Variants in HDAC9 observed in about 807,000 individuals in gnomAD.
HDAC9 encodes histone deacetylase 9.
Under a neutral mutation model 139.4 loss-of-function variants are expected in HDAC9, and 41 were observed. That is an observed-to-expected ratio of 0.29 (90% CI 0.23 to 0.38). HDAC9 has a LOEUF of 0.38. HDAC9 is among the 10% of genes least tolerant of loss of function. The probability of loss-of-function intolerance (pLI) is 1.00; values close to 1 mark genes in which losing one functional copy is unlikely to be tolerated. For missense variants in HDAC9, 1,147 were observed against 1,297.0 expected (o/e 0.88, Z 1.78); for synonymous variants, 517 against 476.2 (o/e 1.09, Z -1.12).
intron 13 of HDAC9, among the ~76,000 whole-genome samples, chr7:18,739,937 C>G (rs1465510587): frequency 6.6e-6 from 1 of 152,298 alleles, no homozygotes; most frequent in East Asian, 1.9e-4. Context: ...GTTTGAGCTT[C>G]CCAGCTGCTT....
intron 2 of HDAC9, chr7:18,543,651 A>G (rs534068573): frequency 9.9e-5 from 15 of 152,218 alleles, no homozygotes; most frequent in Admixed American, 9.8e-4. Flanking sequence ...TTAAGTGCTA[A>G]CTACAGTCTT....
chr7:18,554,797 C>T (rs1818289814), intron 2 of HDAC9, among the ~76,000 whole-genome samples: 1 of 152,164 alleles, frequency 6.6e-6, no homozygotes, highest in Admixed American at 6.5e-5. Flanking sequence ...TCTTCTTAGA[C>T]TGGGTGGGAT....
In HDAC9 at chr7:18,829,443, T is replaced by C; in HGVS notation, c.2379-18T>C. On this transcript the variant is annotated intron_variant, in intron 18 of 25. Coordinates refer to ENST00000686413, the MANE Select transcript of HDAC9 (RefSeq NM_178425.4). ...GATGATTTGCTTTCTTATTTCTCTG[T>C]TCTTCTCTATTCCGCAGGGGGTTCT... 6.4e-7 allele frequency: 1 copy of C among 1,566,296 alleles called. No individual in the cohort carries two copies.
chr7:18,155,846 T>C (rs994944708), intron 1 of HDAC9, among the ~76,000 whole-genome samples: 2 of 152,264 alleles, frequency 1.3e-5, no homozygotes, highest in Middle Eastern at 3.4e-3. Context: ...GTAATTGATA[T>C]GCCAGTCTTT....
At chr7:18,404,685 T>TG (rs1199264636) in intron 1 of HDAC9, among the ~76,000 whole-genome samples, 2 of 152,176 alleles carry the variant, frequency 1.3e-5, no homozygotes, top group African/African-American at 4.8e-5. Flanking sequence ...AGAGAAACGT[T>TG]GTATAACAAA....
chr7:18,523,914 C>T (rs912641350), intron 2 of HDAC9, among the ~76,000 whole-genome samples: 5 of 150,834 alleles, frequency 3.3e-5, no homozygotes, highest in Admixed American at 6.6e-5. Flanking sequence ...CTCCCCGCTC[C>T]GCCCTGCTTC....
chr7:18,117,684 G>A (rs2128089650), intron 1 of HDAC9, among the ~76,000 whole-genome samples: 1 of 152,228 alleles, frequency 6.6e-6, no homozygotes, highest in African/African-American at 2.4e-5. Context: ...AGGCAAGGAA[G>A]GACTCCATCC....
At chr7:18,556,413 A>G (rs1426504959) in intron 2 of HDAC9, among the ~76,000 whole-genome samples, 1 of 152,120 alleles carries the variant, frequency 6.6e-6, no homozygotes, top group African/African-American at 2.4e-5. Flanking sequence ...TAAGAAATGT[A>G]GTAGGAAACA....
chr7:18,573,109 T>G (rs1457170942), intron 2 of HDAC9, among the ~76,000 whole-genome samples: 1 of 152,226 alleles, frequency 6.6e-6, no homozygotes, highest in African/African-American at 2.4e-5. Flanking sequence ...AATAAGAGAA[T>G]AGTAAATCAA....
intron 2 of HDAC9, among the ~76,000 whole-genome samples, chr7:18,167,530 T>C (rs912428206): frequency 2.6e-5 from 4 of 152,160 alleles, no homozygotes; most frequent in Admixed American, 2.6e-4. Flanking sequence ...TTATTTCTCG[T>C]TCATATAAAG....
At chr7:18,332,386 TGTGTGTGA>T (rs371111193) in intron 1 of HDAC9, among the ~76,000 whole-genome samples, 10,080 of 140,852 alleles carry the variant, frequency 0.072, 643 homozygotes, top group African/African-American at 0.19. Context: ...TGTGTGTGTG[TGTGTGTGA>T]GAGAGAGAGA....
intron 2 of HDAC9, among the ~76,000 whole-genome samples, chr7:18,278,321 C>T (rs1027701051): frequency 1.3e-5 from 2 of 152,178 alleles, no homozygotes; most frequent in Non-Finnish European, 2.9e-5. Flanking sequence ...TTTGTTATTT[C>T]ACATTTAGCA....
chr7:18,659,164 C>T (rs1290263949), intron 11 of HDAC9, among the ~76,000 whole-genome samples: 4 of 152,034 alleles, frequency 2.6e-5, no homozygotes, highest in Non-Finnish European at 5.9e-5. Context: ...TGTTGGGATG[C>T]AAAGGATTTC....
intron 16 of HDAC9, among the ~76,000 whole-genome samples, chr7:18,783,361 T>A (rs1345916755): frequency 6.6e-6 from 1 of 152,152 alleles, no homozygotes; most frequent in Admixed American, 6.6e-5. Flanking sequence ...AAGGTTTTGT[T>A]TACTTACATT....
intron 2 of HDAC9, among the ~76,000 whole-genome samples, chr7:18,185,044 A>G (rs532263103): frequency 2.0e-4 from 31 of 152,376 alleles, no homozygotes; most frequent in Non-Finnish European, 1.9e-4. Flanking sequence ...GAATAGCAAT[A>G]TCACAAAAGT....
At chr7:18,482,024 C>A (rs1795592897) in intron 1 of HDAC9, among the ~76,000 whole-genome samples, 1 of 152,110 alleles carries the variant, frequency 6.6e-6, no homozygotes, top group Non-Finnish European at 1.5e-5. Flanking sequence ...GGCTTGGTTT[C>A]CTTCCAAGCC....
In HDAC9 at chr7:18,211,753, T is replaced by G. The variant is rs1178383; in HGVS notation, c.25+49404T>G. 2.0e-5 allele frequency among the ~76,000 whole-genome samples: 3 copies of G among 152,258 alleles called. No homozygotes were observed. The South Asian group carries it at 6.2e-4, about 32-fold the overall frequency. On this transcript the variant is annotated intron_variant, in intron 2 of 12. Transcript: ENST00000417496. Reference sequence around the variant, plus strand: ...GAATGCAAAAGTGTGCCGTGTCCATTGTGATTATTGTGGTGAATACAGAGT... The same window carrying G: ...GAATGCAAAAGTGTGCCGTGTCCATGGTGATTATTGTGGTGAATACAGAGT...
intron 13 of HDAC9, among the ~76,000 whole-genome samples, chr7:18,734,709 G>A (rs1786725151): frequency 1.3e-5 from 2 of 152,158 alleles, no homozygotes; most frequent in South Asian, 4.1e-4. Context: ...ATGTGCATGT[G>A]TCTTTATAGT....
At chr7:18,916,022 G>GGAAAAAAAAAAA (rs1491394538) in intron 22 of HDAC9, among the ~76,000 whole-genome samples, 7 of 138,120 alleles carry the variant, frequency 5.1e-5, no homozygotes, top group Non-Finnish European at 1.1e-4. Context: ...CCCCCCGCTG[G>GGAAAAAAAAAAA]AAAAAAAAAA....
Sources: gnomAD v4.1 joint callset for allele counts (sites outside exome capture counted in the v4.1 genomes callset) on GRCh38, gnomAD v4.1.1 for gene constraint, MANE v1.5 for transcripts, NCBI Gene and HGNC (gene_info 2026-07-23, HGNC 2026-07-21) for gene names.